PDE4B: variants seen among roughly 807,000 people sequenced by gnomAD.
The protein encoded by PDE4B is phosphodiesterase 4B.
A neutral mutation model predicts 82.2 loss-of-function variants in PDE4B; 20 were observed. That is an observed-to-expected ratio of 0.24 (90% CI 0.17 to 0.35). The LOEUF is 0.35. Ranked by LOEUF, PDE4B falls within the 10% of genes least tolerant of loss-of-function variation. PDE4B has a pLI of 1.00. For synonymous variants in PDE4B, 320 were observed against 318.9 expected (o/e 1.00, Z -0.04); for missense variants, 655 against 907.2 (o/e 0.72, Z 3.57).
chr1:66,145,634 C>T (rs577699154), intron 3 of PDE4B, among the ~76,000 whole-genome samples: 1 of 152,234 alleles, frequency 6.6e-6, no homozygotes, highest in South Asian at 2.1e-4. Context: ...CTTTGGAGGT[C>T]AAGTCATTTC....
At chr1:66,370,434 A>G (rs1029850972) in intron 16 of PDE4B, among the ~76,000 whole-genome samples, 1 of 152,128 alleles carries the variant, frequency 6.6e-6, no homozygotes, top group African/African-American at 2.4e-5. Context: ...TAAAGTAGAT[A>G]TTTCCCCAGC....
At chr1:66,117,070 A>G (rs760128064) in intron 3 of PDE4B, among the ~76,000 whole-genome samples, 1 of 152,074 alleles carries the variant, frequency 6.6e-6, no homozygotes, top group Non-Finnish European at 1.5e-5. Context: ...TCCATTTTTT[A>G]TTTTTTAAAT....
At chr1:66,332,104 T>C (rs1267199056) in intron 7 of PDE4B, 1 of 1,185,818 alleles carries the variant, frequency 8.4e-7, no homozygotes, top group Admixed American at 4.3e-5. Flanking sequence ...CACTCAGAAA[T>C]GACATCACAT....
At chr1:66,243,105 G>A (rs1222542736) in intron 3 of PDE4B, among the ~76,000 whole-genome samples, 1 of 152,198 alleles carries the variant, frequency 6.6e-6, no homozygotes, top group Non-Finnish European at 1.5e-5. Context: ...ATGCAGATTT[G>A]TTTTGCTCAG....
intron 7 of PDE4B, among the ~76,000 whole-genome samples, chr1:66,307,514 G>C (rs181960993): frequency 6.6e-6 from 1 of 152,244 alleles, no homozygotes; most frequent in East Asian, 1.9e-4. Context: ...TCATCAGTGA[G>C]GTAGAAAGTT....
rs148256047 is a variant in PDE4B at position 65,976,613 on chromosome 1, G to A, written c.281+57778G>A. On this transcript the variant is annotated intron_variant, in intron 3 of 16. Transcript: ENST00000341517. ...CCAAATCTCATGTCAAATTGGAGGC[G>A]GGACCTGGTGAGAGGTGATTAGATT... Among the ~76,000 whole-genome samples the A allele has an allele frequency of 9.7e-4, 148 of 152,162 alleles. 1 individual carries two copies. Among genetic ancestry groups the A allele is most frequent in the South Asian group, 2.7e-3 (13 of 4,816 alleles).
intron 3 of PDE4B, among the ~76,000 whole-genome samples, chr1:66,239,251 C>T (rs149762942): frequency 3.3e-5 from 5 of 152,026 alleles, no homozygotes; most frequent in East Asian, 1.9e-4. Flanking sequence ...AAATATTGAG[C>T]GAGTAGAATA....
At chr1:66,122,290 G>A (rs916147766) in intron 3 of PDE4B, among the ~76,000 whole-genome samples, 3 of 152,182 alleles carry the variant, frequency 2.0e-5, no homozygotes, top group African/African-American at 7.2e-5. Flanking sequence ...TAAGTGCTCA[G>A]TAAGTGTTGT....
intron 3 of PDE4B, among the ~76,000 whole-genome samples, chr1:66,155,592 AT>A (rs937590766): frequency 2.0e-5 from 3 of 151,460 alleles, no homozygotes; most frequent in Non-Finnish European, 2.9e-5. Context: ...TAGATTATTT[AT>A]TTTTTATATA....
At chr1:66,189,880 G>A (rs1390372885) in intron 3 of PDE4B, among the ~76,000 whole-genome samples, 2 of 152,208 alleles carry the variant, frequency 1.3e-5, no homozygotes, top group Non-Finnish European at 2.9e-5. Context: ...CTGGTGAGGA[G>A]CTGCATTCCT....
At chr1:66,206,984 C>G (rs993047209) in intron 3 of PDE4B, among the ~76,000 whole-genome samples, 7 of 152,130 alleles carry the variant, frequency 4.6e-5, no homozygotes, top group Admixed American at 6.6e-5. Context: ...TTTCCCCAGG[C>G]AAAACATCCA....
chr1:66,240,899 C>A (rs77293970), intron 3 of PDE4B, among the ~76,000 whole-genome samples: 2 of 152,270 alleles, frequency 1.3e-5, no homozygotes, highest in South Asian at 4.2e-4. Flanking sequence ...ATACAGGGAG[C>A]CCCTGTTTCA....
intron 3 of PDE4B, among the ~76,000 whole-genome samples, chr1:66,171,604 T>G (rs1319732471): frequency 2.0e-5 from 3 of 152,196 alleles, no homozygotes. Flanking sequence ...GGTGTGATGT[T>G]GCTTCAGTGA....
chr1:66,033,784 C>CT (rs375262128), intron 3 of PDE4B, among the ~76,000 whole-genome samples: 20 of 50,506 alleles, frequency 4.0e-4, no homozygotes, highest in Non-Finnish European at 9.0e-4. Flanking sequence ...TTCTTTCTTT[C>CT]TTTCTTTTTT....
intron 8 of PDE4B, among the ~76,000 whole-genome samples, chr1:66,341,245 A>G (rs1660958447): frequency 6.6e-6 from 1 of 152,222 alleles, no homozygotes; most frequent in Admixed American, 6.5e-5. Context: ...TGACTTCTCC[A>G]AAGTCTTAAG....
chr1:65,832,547 T>A (rs1042469123), intron 1 of PDE4B, among the ~76,000 whole-genome samples: 8 of 152,286 alleles, frequency 5.3e-5, no homozygotes, highest in African/African-American at 1.9e-4. Context: ...CATTCAGTGA[T>A]TCAGTTCCTA....
intron 3 of PDE4B, among the ~76,000 whole-genome samples, chr1:66,067,374 C>T (rs1655910528): frequency 6.6e-6 from 1 of 151,960 alleles, no homozygotes; most frequent in Non-Finnish European, 1.5e-5. Flanking sequence ...TTTTAATGAT[C>T]GCTATTCTAA....
At chr1:65,927,492 G>A (rs1438767233) in intron 3 of PDE4B, among the ~76,000 whole-genome samples, 1 of 145,232 alleles carries the variant, frequency 6.9e-6, no homozygotes, top group Non-Finnish European at 1.5e-5. Flanking sequence ...TATATAATAT[G>A]TATTATATAT....
chr1:66,036,570 G>A (rs1230170744), intron 3 of PDE4B, among the ~76,000 whole-genome samples: 1 of 152,086 alleles, frequency 6.6e-6, no homozygotes, highest in Non-Finnish European at 1.5e-5. Flanking sequence ...ATTTATTGAA[G>A]TGACTGTCTT....
Sources: gnomAD v4.1 joint callset for allele counts (sites outside exome capture counted in the v4.1 genomes callset) on GRCh38, gnomAD v4.1.1 for gene constraint, MANE v1.5 for transcripts, NCBI Gene and HGNC (gene_info 2026-07-23, HGNC 2026-07-21) for gene names.